The following TMEM245 variants were observed in gnomAD, a reference collection of about 807,000 sequenced individuals.
The protein encoded by TMEM245 is protein CG-2.
In TMEM245, 69 loss-of-function variants were observed where a neutral mutation model predicts 101.2. The observed-to-expected ratio is 0.68, with a 90% CI of 0.56 to 0.83. The LOEUF is 0.83. Among genes scored for constraint, TMEM245 ranks in the 40% least tolerant of loss-of-function variants. The pLI is 0.00. For missense variants in TMEM245, 1,075 were observed against 1,092.8 expected (o/e 0.98, Z 0.23); for synonymous variants, 537 against 449.8 (o/e 1.19, Z -2.45).
At chr9:109,022,412 C>T (rs1277325512) in intron 17 of TMEM245, among the ~76,000 whole-genome samples, 2 of 152,058 alleles carry the variant, frequency 1.3e-5, no homozygotes, top group Non-Finnish European at 2.9e-5. Flanking sequence ...CTTTTATGTT[C>T]TGAAAACAAG....
Position 109,080,893 on chromosome 9 carries a change from GATGAAAAT to G in TMEM245, c.1387_1394del (p.Ile463HisfsTer28), listed in dbSNP as rs1829648718. On this transcript the variant is annotated frameshift_variant, in exon 8 of 18. Coordinates refer to ENST00000374586, the MANE Select transcript of TMEM245 (RefSeq NM_032012.4). LOFTEE classifies it high-confidence loss of function. ...GAGTTCCTATCACTAACAAAAATAT[GATGAAAAT>G]GCTAATTATTTTATCTAACATCTTC... The G allele has an allele frequency of 6.2e-7, 1 of 1,610,596 alleles. No homozygotes were observed. Among genetic ancestry groups the G allele is most frequent in the Admixed American group, 1.7e-5 (1 of 59,810 alleles).
intron 12 of TMEM245, among the ~76,000 whole-genome samples, chr9:109,053,469 T>A (rs1828745739): frequency 1.3e-5 from 2 of 152,142 alleles, no homozygotes; most frequent in African/African-American, 4.8e-5. Context: ...GTAGAAAACA[T>A]GAGCCAGGTT....
chr9:109,097,914 G>T (rs780604890), intron 3 of TMEM245, among the ~76,000 whole-genome samples: 1 of 152,244 alleles, frequency 6.6e-6, no homozygotes, highest in South Asian at 2.1e-4. Context: ...GAGAGATTCC[G>T]TCTTGAAAAA....
At chr9:109,107,491 T>C (rs1588080297) in intron 2 of TMEM245, among the ~76,000 whole-genome samples, 1 of 151,242 alleles carries the variant, frequency 6.6e-6, no homozygotes, top group South Asian at 2.1e-4. Flanking sequence ...TCATAAAACA[T>C]CCCTGCCTGC....
intron 12 of TMEM245, among the ~76,000 whole-genome samples, chr9:109,052,222 C>T (rs1431341619): frequency 6.6e-6 from 1 of 152,192 alleles, no homozygotes; most frequent in Non-Finnish European, 1.5e-5. Context: ...AAAACACCTC[C>T]CATTACCATT....
intron 12 of TMEM245, 87 bp downstream of exon 12, chr9:109,057,104 T>C: frequency 7.1e-7 from 1 of 1,408,248 alleles, no homozygotes; most frequent in South Asian, 1.3e-5. Flanking sequence ...ACAGGATAGA[T>C]GAGGCCTCAA....
In TMEM245 at chr9:109,015,230, A is replaced by C. The variant is rs922750936; in HGVS notation, c.*5230T>G. ...AGAAGTTACATCAGTAGGTTGTCAA[A>C]GCAAGTTAGCTAAGAAACAGCATTT... On this transcript the variant is annotated 3_prime_UTR_variant, in exon 18 of 18. Transcript: ENST00000374586. 2 of 142,818 alleles carry C rather than the reference A, an allele frequency of 1.4e-5. No homozygotes were observed. Among genetic ancestry groups the C allele is most frequent in the Non-Finnish European group, 3.2e-5 (2 of 62,526 alleles). 8.8% of individuals were successfully genotyped at this position (142,818 alleles called of 1,614,324 possible).
intron 10 of TMEM245, among the ~76,000 whole-genome samples, chr9:109,060,796 A>T (rs1828989065): frequency 6.6e-6 from 1 of 152,206 alleles, no homozygotes; most frequent in Non-Finnish European, 1.5e-5. Context: ...ACCTTCCATT[A>T]TACATATGTC....
chr9:109,057,110 C>T lies in TMEM245; in HGVS notation c.1854+81G>A, dbSNP rs963227611. Reference sequence around the variant, plus strand: ...ATGTTAAAAACAGGATAGATGAGGCCTCAAAGTGTATGAAGAAAACTTGGA... The same window carrying T: ...ATGTTAAAAACAGGATAGATGAGGCTTCAAAGTGTATGAAGAAAACTTGGA... On this transcript the variant is annotated intron_variant, in intron 12 of 17. Coordinates refer to ENST00000374586, the MANE Select transcript of TMEM245 (RefSeq NM_032012.4). The T allele has an allele frequency of 2.7e-6, 4 of 1,492,684 alleles. No individual in the cohort carries two copies. In the African/African-American group the frequency reaches 4.2e-5, roughly 16 times the overall value. 92.5% of individuals were successfully genotyped at this position (1,492,684 alleles called of 1,614,324 possible). A position where few individuals can be genotyped will look rare whatever the true frequency, so the allele number is the denominator to read the frequency against.
intron 12 of TMEM245, among the ~76,000 whole-genome samples, chr9:109,056,440 CAAAAAA>C (rs753175633): frequency 5.4e-5 from 2 of 36,768 alleles, no homozygotes; most frequent in Non-Finnish European, 1.1e-4. Context: ...ACTAAAAATG[CAAAAAA>C]AAAAAAAAAA....
chr9:109,040,798 T>C (rs919030599), intron 14 of TMEM245, among the ~76,000 whole-genome samples: 1 of 152,192 alleles, frequency 6.6e-6, no homozygotes, highest in African/African-American at 2.4e-5. Context: ...CTGAGTAGTA[T>C]TCCATTATGT....
At chr9:109,050,243 G>C in intron 14 of TMEM245, 40 bp downstream of exon 14, 1 of 1,607,204 alleles carries the variant, frequency 6.2e-7, no homozygotes. Context: ...TGGAAAAAAA[G>C]TTCTGGGAGA....
intron 14 of TMEM245, among the ~76,000 whole-genome samples, chr9:109,043,755 T>C (rs1158394037): frequency 1.3e-5 from 2 of 152,134 alleles, no homozygotes; most frequent in African/African-American, 2.4e-5. Flanking sequence ...AGACCTCCCA[T>C]TACTACACAG....
chr9:109,065,636 C>T (rs1181356898), intron 9 of TMEM245, among the ~76,000 whole-genome samples: 2 of 152,170 alleles, frequency 1.3e-5, no homozygotes, highest in African/African-American at 4.8e-5. Flanking sequence ...TACCATACAC[C>T]TTAATCAAGA....
At chr9:109,080,587 A>AT (rs1378662274) in intron 8 of TMEM245, among the ~76,000 whole-genome samples, 2 of 152,008 alleles carry the variant, frequency 1.3e-5, no homozygotes, top group South Asian at 4.2e-4. Flanking sequence ...TCATTATCTC[A>AT]TTTTTTTCAT....
chr9:109,084,164 C>T (rs1829766876), intron 7 of TMEM245, among the ~76,000 whole-genome samples: 1 of 151,932 alleles, frequency 6.6e-6, no homozygotes, highest in East Asian at 1.9e-4. Flanking sequence ...TGTGTGCTCT[C>T]TCACCCTCTC....
chr9:109,091,126 T>C lies in TMEM245; in HGVS notation c.946A>G (p.Thr316Ala), dbSNP rs752431760. Residue 316 changes from threonine (T) to alanine (A), a missense_variant, in exon 5 of 18, where the codon ACG becomes GCG. Around this residue, in one of 2 missense-constraint regions of TMEM245, gnomAD observed 808 missense variants for 741.5 expected, o/e 1.09. Transcript: ENST00000374586. ...GAGGGTGAAGGGGAGGTGGACAACG[T>C]TGGAGCGGATTCTCCCCTGTCCACT... ...EAVDRGESAP[T>A]LSTSPSPSSP... 11 of 1,613,878 alleles carry C rather than the reference T, an allele frequency of 6.8e-6. No homozygotes were observed. The highest frequency in any genetic ancestry group is 1.6e-4 in the Middle Eastern group (1 of 6,082).
intron 3 of TMEM245, among the ~76,000 whole-genome samples, chr9:109,105,376 A>G (rs1028949345): frequency 1.3e-5 from 2 of 152,240 alleles, no homozygotes; most frequent in African/African-American, 4.8e-5. Context: ...GGATGCAAAG[A>G]AATTAGAATC....
At chr9:109,068,867 T>G (rs1004451019) in intron 9 of TMEM245, among the ~76,000 whole-genome samples, 35 of 152,120 alleles carry the variant, frequency 2.3e-4, no homozygotes, top group African/African-American at 8.5e-4. Flanking sequence ...AGGGAAATAT[T>G]GAAGGAAAGG....
Sources: gnomAD v4.1 joint callset for allele counts (sites outside exome capture counted in the v4.1 genomes callset) on GRCh38, gnomAD v4.1.1 for gene constraint, gnomAD v4.1.1 regional missense constraint, MANE v1.5 for transcripts, NCBI Gene and HGNC (gene_info 2026-07-23, HGNC 2026-07-21) for gene names.